The following SSUH2 variants were observed in gnomAD, a reference collection of about 807,000 sequenced individuals.
SSUH2 encodes the protein protein SSUH2 homolog.
A neutral mutation model predicts 55.3 loss-of-function variants in SSUH2; 47 were observed. That is an observed-to-expected ratio of 0.85 (90% CI 0.67 to 1.08). The LOEUF (loss-of-function observed/expected upper bound fraction) is 1.08. Ranked by LOEUF, SSUH2 falls within the 50% of genes least tolerant of loss-of-function variation. The pLI is 0.00. For synonymous variants in SSUH2, 212 were observed against 191.5 expected, an observed-to-expected ratio of 1.11 and a Z score of -0.89; for missense variants, 535 against 490.7, an observed-to-expected ratio of 1.09 and a Z score of -0.85.
chr3:8,658,399 A>G (rs1703146721), intron 7 of SSUH2, among the ~76,000 whole-genome samples: 1 of 152,202 alleles, frequency 6.6e-6, no homozygotes, highest in African/African-American at 2.4e-5. Context: ...AACACCTGGT[A>G]TCCTTGCCAG....
intron 7 of SSUH2, among the ~76,000 whole-genome samples, chr3:8,652,815 A>C (rs1256813322): frequency 6.6e-6 from 1 of 152,166 alleles, no homozygotes; most frequent in Non-Finnish European, 1.5e-5. Flanking sequence ...GAAGCCTTTC[A>C]TGATTTCCCT....
intron 1 of SSUH2, among the ~76,000 whole-genome samples, chr3:8,642,289 C>T (rs1700984340): frequency 2.0e-5 from 3 of 152,136 alleles, no homozygotes; most frequent in Admixed American, 2.0e-4. Context: ...GAGTGATTAC[C>T]TCTAGGATTG....
intron 6 of SSUH2, among the ~76,000 whole-genome samples, chr3:8,662,060 C>A (rs1189961692): frequency 6.6e-6 from 1 of 152,178 alleles, no homozygotes. Context: ...ATCCATTAAA[C>A]CTTCTTTTCT....
Position 8,634,554 on chromosome 3 carries a change from C to A in SSUH2, c.209+746G>T, listed in dbSNP as rs893467640. On this transcript the variant is annotated intron_variant, in intron 3 of 11. Transcript: ENST00000544814. ...CCTCCAGCCCTGGCACACAGAGGGG[C>A]CCGTCTGTCTTCAGATCCATGGATG... The A allele has an allele frequency of 2.3e-6, 3 of 1,289,788 alleles. No individual in the cohort carries two copies. In the East Asian group the frequency reaches 1.7e-4, roughly 72 times the overall value. 79.9% of individuals were successfully genotyped at this position (1,289,788 alleles called of 1,614,324 possible).
chr3:8,652,885 T>G (rs1018500004), intron 7 of SSUH2, among the ~76,000 whole-genome samples: 1 of 152,124 alleles, frequency 6.6e-6, no homozygotes, highest in African/African-American at 2.4e-5. Flanking sequence ...GGTCTATTAT[T>G]TTGGAATATA....
chr3:8,680,457 G>A (rs1340234707), intron 1 of SSUH2, among the ~76,000 whole-genome samples: 1 of 152,062 alleles, frequency 6.6e-6, no homozygotes, highest in Non-Finnish European at 1.5e-5. Flanking sequence ...GTATACACCT[G>A]TCTGTACTGG....
At chr3:8,646,814 G>T (rs1327064075), upstream of SSUH2, among the ~76,000 whole-genome samples, 1 of 152,210 alleles carries the variant, frequency 6.6e-6, no homozygotes, top group East Asian at 1.9e-4. Context: ...AGGAGGTTGG[G>T]ATCAGGGAAG....
chr3:8,677,351 A>C lies in SSUH2; in HGVS notation c.-898T>G, dbSNP rs1705492667. 1.3e-5 allele frequency: 2 copies of C among 151,268 alleles called. 1 individual carries two copies. The highest frequency in any genetic ancestry group is 4.1e-4 in the East Asian group (2 of 4,896). The allele number at this position is 151,268 out of a possible 1,614,324, so 9.4% of individuals were successfully genotyped here. On this transcript the variant is annotated splice_region_variant and 5_prime_UTR_variant, in exon 3 of 19. Transcript: ENST00000317371. ...AAGCAGGTCATTTGCAATCTATCGG[A>C]GCCTAAGGGCAGAAGGCAGGTGAGA...
chr3:8,624,946 C>T (rs1054422511), intron 10 of SSUH2, among the ~76,000 whole-genome samples: 14 of 152,170 alleles, frequency 9.2e-5, no homozygotes, highest in Admixed American at 9.2e-4. Flanking sequence ...GCCCTGCATC[C>T]AGGTCTGTGC....
intron 3 of SSUH2, among the ~76,000 whole-genome samples, chr3:8,676,223 A>G (rs1391675625): frequency 6.6e-6 from 1 of 151,812 alleles, no homozygotes; most frequent in African/African-American, 2.4e-5. Context: ...CTCGGTGTAC[A>G]GAGGGTGTAC....
At chr3:8,633,976 T>A in intron 3 of SSUH2, 181 bp from the exon 4 acceptor site, 1 of 1,608,822 alleles carries the variant, frequency 6.2e-7, no homozygotes, top group Middle Eastern at 1.7e-4. Context: ...GTGCCCAGCG[T>A]GAGAACGGGG....
At chr3:8,628,926 G>A (rs908702658) in intron 7 of SSUH2, among the ~76,000 whole-genome samples, 6 of 152,192 alleles carry the variant, frequency 3.9e-5, no homozygotes, top group Admixed American at 2.0e-4. Context: ...CACGTTCTCC[G>A]CTCACTGCAA....
chr3:8,676,780 C>G lies in SSUH2; in HGVS notation c.-753+426G>C, dbSNP rs368578565. Among the ~76,000 whole-genome samples, 9 of 148,390 alleles carry G rather than the reference C, an allele frequency of 6.1e-5. 3 individuals are homozygous for G. Among genetic ancestry groups the G allele is most frequent in the Admixed American group, 2.6e-4 (4 of 15,146 alleles). Reference sequence around the variant, plus strand: ...TCCCACCTGGATCTCAGGACCTCATCGCAGTGGGGGGAGGCACCCCCAGTG... The same window carrying G: ...TCCCACCTGGATCTCAGGACCTCATGGCAGTGGGGGGAGGCACCCCCAGTG... On this transcript the variant is annotated intron_variant, in intron 3 of 18. Transcript: ENST00000317371.
At chr3:8,657,787 G>A (rs1703079512) in intron 7 of SSUH2, among the ~76,000 whole-genome samples, 1 of 152,342 alleles carries the variant, frequency 6.6e-6, no homozygotes, top group African/African-American at 2.4e-5. Context: ...CAGTTCTGTA[G>A]ACTCCGACAC....
At chr3:8,647,138 C>G (rs545959918), upstream of SSUH2, among the ~76,000 whole-genome samples, 1 of 152,114 alleles carries the variant, frequency 6.6e-6, no homozygotes, top group South Asian at 2.1e-4. Flanking sequence ...CAAGGAACCA[C>G]GTGGTCAGAC....
chr3:8,654,954 C>A (rs1216346779), intron 7 of SSUH2, among the ~76,000 whole-genome samples: 1 of 75,770 alleles, frequency 1.3e-5, no homozygotes, highest in Non-Finnish European at 2.8e-5. Flanking sequence ...TGGCCTCATC[C>A]CCCAGTCTCA....
chr3:8,675,717 C>G (rs1272720626), intron 3 of SSUH2, among the ~76,000 whole-genome samples: 1 of 152,078 alleles, frequency 6.6e-6, no homozygotes, highest in Non-Finnish European at 1.5e-5. Flanking sequence ...ACTAGCCAAG[C>G]CTTTGCATGA....
At chr3:8,623,288 G>A (rs925135343) in intron 11 of SSUH2, among the ~76,000 whole-genome samples, 1 of 152,222 alleles carries the variant, frequency 6.6e-6, no homozygotes, top group African/African-American at 2.4e-5. Flanking sequence ...CACCACATTC[G>A]TGCTTAAAAC....
intron 3 of SSUH2, among the ~76,000 whole-genome samples, chr3:8,674,000 C>G (rs534841609): frequency 2.6e-5 from 4 of 152,192 alleles, no homozygotes; most frequent in African/African-American, 4.8e-5. Context: ...GGCTTTAGTC[C>G]GTCAAAGCGC....
Sources: allele counts gnomAD v4.1 joint callset (sites outside exome capture counted in the v4.1 genomes callset), GRCh38; gene constraint gnomAD v4.1.1; transcripts MANE v1.5; gene names NCBI Gene and HGNC (gene_info 2026-07-23, HGNC 2026-07-21).